Variants in NUDT4 observed in about 807,000 individuals in gnomAD.
The protein encoded by NUDT4 is nudix hydrolase 4.
In NUDT4, 5 loss-of-function variants were observed where a neutral mutation model predicts 23.1. That is an observed-to-expected ratio of 0.22 (90% CI 0.11 to 0.46). The LOEUF is 0.46. Ranked by LOEUF, NUDT4 falls within the 20% of genes least tolerant of loss-of-function variation. The probability of loss-of-function intolerance (pLI) is 0.99; values close to 1 mark genes in which losing one functional copy is unlikely to be tolerated. For synonymous variants in NUDT4, 50 were observed against 79.0 expected, an observed-to-expected ratio of 0.63 and a Z score of 1.95; for missense variants, 96 against 211.6, an observed-to-expected ratio of 0.45 and a Z score of 3.39.
intron 1 of NUDT4, among the ~76,000 whole-genome samples, chr12:93,391,520 A>G (rs1252472820): frequency 6.6e-6 from 1 of 151,398 alleles, no homozygotes; most frequent in East Asian, 1.9e-4. Context: ...AGCCAAGACC[A>G]TGCCACTGCC....
rs1196194641 is a variant in NUDT4 at position 93,406,681 on chromosome 12, C to T, written c.*7302C>T. ...CCTTAAACAATAGTGTAACTATTTA[C>T]ATAGCACTTACATTATAATAGGTAT... is the stretch of plus-strand genomic sequence containing the variant. On this transcript the variant is annotated 3_prime_UTR_variant, in exon 5 of 5. Coordinates refer to ENST00000415493, the MANE Select transcript of NUDT4 (RefSeq NM_019094.6). 6.6e-6 allele frequency: 1 copy of T among 152,186 alleles called. No homozygotes were observed. Among genetic ancestry groups the T allele is most frequent in the Non-Finnish European group, 1.5e-5 (1 of 68,032 alleles). 9.4% of individuals were successfully genotyped at this position (152,186 alleles called of 1,614,324 possible).
intron 1 of NUDT4, among the ~76,000 whole-genome samples, chr12:93,381,941 C>T (rs900113271): frequency 6.6e-6 from 1 of 152,122 alleles, no homozygotes; most frequent in African/African-American, 2.4e-5. Context: ...GCAAGAGAGG[C>T]ATTAACAAAT....
Position 93,399,432 on chromosome 12 carries a change from C to CT in NUDT4, c.*56dup, listed in dbSNP as rs1877210434. On this transcript the variant is annotated 3_prime_UTR_variant, in exon 5 of 5. Transcript: ENST00000415493. ...TGTGCAGTCTCATGGGGAGAGGCTT[C>CT]TTTCGTTTCCTCGTCAAACATCTGA... 2 of 487,044 alleles carry CT rather than the reference C, an allele frequency of 4.1e-6. No homozygotes were observed. The highest frequency in any genetic ancestry group is 3.8e-5 in the South Asian group (1 of 26,600). The allele number at this position is 487,044 out of a possible 1,614,324, so 30.2% of individuals were successfully genotyped here.
intron 1 of NUDT4, 164 bp downstream of exon 1, chr12:93,378,585 C>T (rs901131814): frequency 2.3e-6 from 3 of 1,294,306 alleles, no homozygotes; most frequent in South Asian, 2.2e-5. Context: ...CTCACTTCTT[C>T]CTTCCTTTCT....
At chr12:93,395,074 C>T (rs1403007466) in intron 2 of NUDT4, among the ~76,000 whole-genome samples, 2 of 152,126 alleles carry the variant, frequency 1.3e-5, no homozygotes, top group Non-Finnish European at 2.9e-5. Context: ...GTCTCAAACC[C>T]CTGACCTCAG....
At chr12:93,384,266 C>T (rs1469846412) in intron 1 of NUDT4, among the ~76,000 whole-genome samples, 2 of 152,008 alleles carry the variant, frequency 1.3e-5, no homozygotes, top group South Asian at 2.1e-4. Flanking sequence ...CTCCTGGATT[C>T]AAGCGATTCT....
chr12:93,395,568 T>C, intron 3 of NUDT4, 35 bp downstream of exon 3: 2 of 1,522,048 alleles, frequency 1.3e-6, no homozygotes. Flanking sequence ...TTGCTGATAA[T>C]AGAATTAATG....
chr12:93,399,163 A>G lies in NUDT4; in HGVS notation c.341-14A>G. On this transcript the variant is annotated splice_polypyrimidine_tract_variant and intron_variant, in intron 4 of 4. Transcript: ENST00000415493. ...AATGGACTGTCTTGTAACCAATGTC[A>G]TTCTTTTCTCTAGGAAGGAAGAGAG... The G allele has an allele frequency of 6.2e-7, 1 of 1,600,866 alleles. No homozygotes were observed. The highest frequency in any genetic ancestry group is 8.6e-7 in the Non-Finnish European group (1 of 1,167,962).
intron 1 of NUDT4, among the ~76,000 whole-genome samples, chr12:93,384,913 C>A (rs1323524195): frequency 6.6e-6 from 1 of 152,148 alleles, no homozygotes; most frequent in African/African-American, 2.4e-5. Flanking sequence ...CATGCCATCA[C>A]GCCTGGCTAA....
chr12:93,402,701 C>G lies in NUDT4; in HGVS notation c.*3322C>G, dbSNP rs1473786978. 1 of 152,182 alleles carries G rather than the reference C, an allele frequency of 6.6e-6. No individual in the cohort carries two copies. The allele number at this position is 152,182 out of a possible 1,614,324, so 9.4% of individuals were successfully genotyped here. A position where few individuals can be genotyped will look rare whatever the true frequency, so the allele number is the denominator to read the frequency against. On this transcript the variant is annotated 3_prime_UTR_variant, in exon 5 of 5. Transcript: ENST00000415493. The stretch of plus-strand genomic sequence containing the variant: ...AGTATGTGGTTGCTTTACTGCTGTT[C>G]TCCCCACCCCCGTGGAGTTGTGTCA...
At chr12:93,396,967 GAAA>G (rs937684820) in intron 3 of NUDT4, among the ~76,000 whole-genome samples, 11 of 152,114 alleles carry the variant, frequency 7.2e-5, no homozygotes, top group African/African-American at 2.7e-4. Flanking sequence ...TGGTTAAACT[GAAA>G]AACATACTGA....
At position 93,402,129 on chromosome 12, in the gene NUDT4, C is replaced by T. The variant is rs2121005214; in HGVS notation, c.*2750C>T. On this transcript the variant is annotated 3_prime_UTR_variant, in exon 5 of 5. Transcript: ENST00000415493. ...ACATGCCATCCAATTTTCTGTCAAT[C>T]ACACTGTTGTATAAAGCAGCAGAAC... 1 of 151,280 alleles carries T rather than the reference C, an allele frequency of 6.6e-6. No individual in the cohort carries two copies. Among genetic ancestry groups the T allele is most frequent in the African/African-American group, 2.4e-5 (1 of 41,360 alleles). 9.4% of individuals were successfully genotyped at this position (151,280 alleles called of 1,614,324 possible).
At chr12:93,398,477 G>A (rs1170590284) in intron 3 of NUDT4, among the ~76,000 whole-genome samples, 2 of 152,124 alleles carry the variant, frequency 1.3e-5, no homozygotes, top group Non-Finnish European at 2.9e-5. Flanking sequence ...CTTGAGGGCA[G>A]GAGTGGACCA....
chr12:93,394,785 A>G (rs1876812118), intron 2 of NUDT4, 66 bp downstream of exon 2: 3 of 935,434 alleles, frequency 3.2e-6, no homozygotes, highest in East Asian at 2.6e-5. Flanking sequence ...GCTACATAAC[A>G]CTAAGACAGC....
rs1565777284 is a variant in NUDT4, at chr12:93,385,941, T to TATATATATATA, written c.99+7520_99+7521insATATATATATA. ...ATATATATATATATAGTAAATCTTTTTATATATATATATATATATATATAT... is the reference window on the plus strand; with the variant it reads ...ATATATATATATATAGTAAATCTTTTATATATATATATATATATATATATATATATATATAT... On this transcript the variant is annotated intron_variant, in intron 1 of 4. Coordinates refer to ENST00000415493, the MANE Select transcript of NUDT4 (RefSeq NM_019094.6). 6.9e-3 allele frequency among the ~76,000 whole-genome samples: 719 copies of TATATATATATA among 104,536 alleles called. 22 individuals are homozygous for TATATATATATA. The highest frequency in any genetic ancestry group is 0.013 in the East Asian group (39 of 2,968). The allele number at this position is 104,536 out of a possible 152,430, so 68.6% of individuals were successfully genotyped here.
intron 1 of NUDT4, among the ~76,000 whole-genome samples, chr12:93,390,290 G>A (rs1424039751): frequency 6.6e-6 from 1 of 152,200 alleles, no homozygotes; most frequent in Non-Finnish European, 1.5e-5. Context: ...AAAGAGGCCT[G>A]TAACTCTGCA....
chr12:93,392,199 T>C (rs2120926919), intron 1 of NUDT4, among the ~76,000 whole-genome samples: 1 of 150,068 alleles, frequency 6.7e-6, no homozygotes, highest in Non-Finnish European at 1.5e-5. Context: ...GATTTTAACT[T>C]AAGTGAAGTT....
chr12:93,404,616 C>G lies in NUDT4; in HGVS notation c.*5237C>G, dbSNP rs1270983733. 1 of 152,120 alleles carries G rather than the reference C, an allele frequency of 6.6e-6. No homozygotes were observed. The highest frequency in any genetic ancestry group is 1.5e-5 in the Non-Finnish European group (1 of 68,038). 9.4% of individuals were successfully genotyped at this position (152,120 alleles called of 1,614,324 possible). On this transcript the variant is annotated 3_prime_UTR_variant, in exon 5 of 5. Coordinates refer to ENST00000415493, the MANE Select transcript of NUDT4 (RefSeq NM_019094.6). The stretch of plus-strand genomic sequence containing the variant: ...TATTTACTGGATACTTTGTGGTTAC[C>G]AAAGAGCTATGTGCTGCCACAGGGA...
chr12:93,405,998 T>C lies in NUDT4; in HGVS notation c.*6619T>C, dbSNP rs1195005904. ...AAAGATGTGGCAGGGCTGGGCACGG[T>C]GGCTCACGCCTGTAATCCCAGCACT... On this transcript the variant is annotated 3_prime_UTR_variant, in exon 5 of 5. Transcript: ENST00000415493. 6.6e-6 allele frequency: 1 copy of C among 152,114 alleles called. No homozygotes were observed. The highest frequency in any genetic ancestry group is 1.5e-5 in the Non-Finnish European group (1 of 68,014). 9.4% of individuals were successfully genotyped at this position (152,114 alleles called of 1,614,324 possible).
Sources: allele counts gnomAD v4.1 joint callset (sites outside exome capture counted in the v4.1 genomes callset), GRCh38; gene constraint gnomAD v4.1.1; transcripts MANE v1.5; gene names NCBI Gene and HGNC (gene_info 2026-07-23, HGNC 2026-07-21).